AK5: variants seen among roughly 807,000 people sequenced by gnomAD.
The protein encoded by AK5 is adenylate kinase isoenzyme 5.
In AK5, 27 loss-of-function variants were observed where a neutral mutation model predicts 69.5. The ratio of observed to expected loss-of-function variants is 0.39; its 90% CI spans 0.29 to 0.54. AK5 has a LOEUF of 0.54. AK5 is among the 20% of genes least tolerant of loss of function. The pLI is 0.71. For missense variants in AK5, 531 were observed against 700.4 expected, an observed-to-expected ratio of 0.76 and a Z score of 2.73; for synonymous variants, 260 against 244.4, an observed-to-expected ratio of 1.06 and a Z score of -0.60.
At chr1:77,341,023 A>G (rs1333809071) in intron 6 of AK5, 1 of 152,994 alleles carries the variant, frequency 6.5e-6, no homozygotes, top group Non-Finnish European at 1.5e-5. Flanking sequence ...TTCTGACTTC[A>G]CAGAAAAAGT....
At chr1:77,494,891 C>T (rs1656217230) in intron 10 of AK5, among the ~76,000 whole-genome samples, 1 of 151,850 alleles carries the variant, frequency 6.6e-6, no homozygotes, top group Non-Finnish European at 1.5e-5. Flanking sequence ...ACGCCATTCT[C>T]CTGCCTCAGC....
chr1:77,458,125 G>A (rs1653612679), intron 8 of AK5, among the ~76,000 whole-genome samples: 2 of 149,336 alleles, frequency 1.3e-5, no homozygotes, highest in African/African-American at 4.9e-5. Context: ...AAAAAAAAGG[G>A]CAAAACAAAA....
At chr1:77,520,671 A>G (rs868355061) in intron 11 of AK5, among the ~76,000 whole-genome samples, 2 of 152,138 alleles carry the variant, frequency 1.3e-5, no homozygotes, top group Non-Finnish European at 2.9e-5. Context: ...TTCCCTGACC[A>G]CCCTATAGAA....
At chr1:77,443,640 G>A (rs561466826) in intron 8 of AK5, among the ~76,000 whole-genome samples, 18 of 149,804 alleles carry the variant, frequency 1.2e-4, no homozygotes, top group East Asian at 2.0e-4. Context: ...TAATAATGCC[G>A]CATTCCATGG....
intron 8 of AK5, among the ~76,000 whole-genome samples, chr1:77,456,135 T>C (rs1235660109): frequency 6.6e-6 from 1 of 152,122 alleles, no homozygotes; most frequent in Non-Finnish European, 1.5e-5. Flanking sequence ...TTGGAGAAAA[T>C]GAACAGTGGA....
chr1:77,461,889 A>G (rs994482901), intron 8 of AK5, among the ~76,000 whole-genome samples: 21 of 152,230 alleles, frequency 1.4e-4, no homozygotes, highest in African/African-American at 5.1e-4. Context: ...CACAAAAATG[A>G]TAACTATGTG....
chr1:77,293,308 C>T (rs906054510), intron 2 of AK5, among the ~76,000 whole-genome samples: 1 of 152,070 alleles, frequency 6.6e-6, no homozygotes, highest in Non-Finnish European at 1.5e-5. Flanking sequence ...AATATATAAG[C>T]ATTAGCTTTA....
intron 6 of AK5, among the ~76,000 whole-genome samples, chr1:77,355,276 A>G (rs1433808011): frequency 2.6e-5 from 4 of 152,212 alleles, no homozygotes; most frequent in East Asian, 1.9e-4. Context: ...CATCGGTTCA[A>G]TCTGAATTCT....
chr1:77,541,066 C>G (rs976430148), intron 13 of AK5, among the ~76,000 whole-genome samples: 1 of 152,068 alleles, frequency 6.6e-6, no homozygotes, highest in African/African-American at 2.4e-5. Flanking sequence ...ACCACCACAC[C>G]CAGCTAATGT....
At chr1:77,498,869 G>T (rs1656524220) in intron 10 of AK5, among the ~76,000 whole-genome samples, 1 of 152,222 alleles carries the variant, frequency 6.6e-6, no homozygotes, top group East Asian at 1.9e-4. Flanking sequence ...AACATTTCTT[G>T]TTAAAATTAA....
intron 8 of AK5, among the ~76,000 whole-genome samples, chr1:77,457,618 C>G (rs1266402739): frequency 6.6e-6 from 1 of 152,082 alleles, no homozygotes; most frequent in Non-Finnish European, 1.5e-5. Context: ...CTTCTTGTAT[C>G]TTTCTGAGAA....
At chr1:77,550,599 T>G (rs1349189944) in intron 13 of AK5, among the ~76,000 whole-genome samples, 1 of 152,206 alleles carries the variant, frequency 6.6e-6, no homozygotes, top group Non-Finnish European at 1.5e-5. Context: ...CTAACTGGTT[T>G]AAATTTGCTA....
chr1:77,450,085 CT>C (rs891709473), intron 8 of AK5, among the ~76,000 whole-genome samples: 2 of 152,160 alleles, frequency 1.3e-5, no homozygotes, highest in Non-Finnish European at 2.9e-5. Flanking sequence ...CTTCCAGTCT[CT>C]GCTAAAACAG....
intron 7 of AK5, among the ~76,000 whole-genome samples, chr1:77,414,028 C>T (rs1332635445): frequency 1.3e-5 from 2 of 152,190 alleles, no homozygotes; most frequent in Non-Finnish European, 2.9e-5. Context: ...CCTCTCAGTG[C>T]TTAATGCAGG....
intron 1 of AK5, chr1:77,282,685 C>T: frequency 2.1e-5 from 24 of 1,129,506 alleles, no homozygotes; most frequent in Non-Finnish European, 2.6e-5. Flanking sequence ...CAGACCGCGG[C>T]CGGGCCGCAC....
At chr1:77,475,732 T>A (rs1426843426) in intron 8 of AK5, among the ~76,000 whole-genome samples, 1 of 151,498 alleles carries the variant, frequency 6.6e-6, no homozygotes, top group Non-Finnish European at 1.5e-5. Flanking sequence ...GTCAAATAAT[T>A]CCTTGGCAAG....
chr1:77,434,769 G>A (rs539691383), intron 8 of AK5, among the ~76,000 whole-genome samples: 31 of 152,258 alleles, frequency 2.0e-4, no homozygotes, highest in African/African-American at 6.0e-4. Flanking sequence ...CTGGAAGCCC[G>A]TTTAAATAAC....
At chr1:77,328,194 G>T (rs1343926363) in intron 5 of AK5, among the ~76,000 whole-genome samples, 1 of 152,066 alleles carries the variant, frequency 6.6e-6, no homozygotes, top group East Asian at 1.9e-4. Context: ...TGTCAACCTG[G>T]TATATACTAT....
chr1:77,553,100 C>T (rs1035819841), intron 13 of AK5, among the ~76,000 whole-genome samples: 1 of 152,074 alleles, frequency 6.6e-6, no homozygotes, highest in Non-Finnish European at 1.5e-5. Flanking sequence ...AGACACATTA[C>T]GAGTATGAGA....
Sources: gnomAD v4.1 joint callset for allele counts (sites outside exome capture counted in the v4.1 genomes callset) on GRCh38, gnomAD v4.1.1 for gene constraint, MANE v1.5 for transcripts, NCBI Gene and HGNC (gene_info 2026-07-23, HGNC 2026-07-21) for gene names.